The following TMCC1 variants were observed in gnomAD, a reference collection of about 807,000 sequenced individuals.
TMCC1 encodes transmembrane and coiled-coil domain family 1.
TMCC1 carries 15 observed loss-of-function variants against 52.4 expected under a neutral mutation model. The observed-to-expected ratio is 0.29, with a 90% CI of 0.19 to 0.44. The LOEUF (loss-of-function observed/expected upper bound fraction) is 0.44. TMCC1 is among the 20% of genes least tolerant of loss of function. The pLI is 1.00. For missense variants in TMCC1, 503 were observed against 806.0 expected, an observed-to-expected ratio of 0.62 and a Z score of 4.55; for synonymous variants, 279 against 301.9, an observed-to-expected ratio of 0.92 and a Z score of 0.79.
chr3:129,870,074 C>T (rs979764247), intron 2 of TMCC1, among the ~76,000 whole-genome samples: 4 of 152,168 alleles, frequency 2.6e-5, no homozygotes, highest in Non-Finnish European at 5.9e-5. Context: ...TCCTTGAGGA[C>T]AGCATCCTCA....
At chr3:129,765,964 A>C (rs930359505) in intron 4 of TMCC1, among the ~76,000 whole-genome samples, 1 of 152,038 alleles carries the variant, frequency 6.6e-6, no homozygotes, top group Non-Finnish European at 1.5e-5. Context: ...TTTTGGGAGA[A>C]ATTTTCTCAG....
chr3:129,735,679 G>T (rs2050901925), intron 4 of TMCC1, among the ~76,000 whole-genome samples: 1 of 150,926 alleles, frequency 6.6e-6, no homozygotes, highest in African/African-American at 2.4e-5. Flanking sequence ...GAGAACCAGG[G>T]ATTATGAAGA....
chr3:129,835,854 G>C (rs1159340237), intron 2 of TMCC1, among the ~76,000 whole-genome samples: 1 of 152,078 alleles, frequency 6.6e-6, no homozygotes, highest in African/African-American at 2.4e-5. Context: ...AAAAAGAAGA[G>C]AGAACAAGAT....
At chr3:129,844,042 G>C (rs2059549456) in intron 2 of TMCC1, among the ~76,000 whole-genome samples, 2 of 152,004 alleles carry the variant, frequency 1.3e-5, no homozygotes, top group Non-Finnish European at 1.5e-5. Context: ...GGCTAAGTAG[G>C]GTTTATCCCA....
At chr3:129,863,649 G>C in intron 2 of TMCC1, among the ~76,000 whole-genome samples, 1 of 152,106 alleles carries the variant, frequency 6.6e-6, no homozygotes, top group South Asian at 2.1e-4. Context: ...ATCACCTGAG[G>C]TCAGGAGTTC....
At chr3:129,663,961 A>G (rs930964620) in intron 5 of TMCC1, among the ~76,000 whole-genome samples, 3 of 152,240 alleles carry the variant, frequency 2.0e-5, no homozygotes, top group Non-Finnish European at 4.4e-5. Flanking sequence ...CAGATGAGTT[A>G]TGTAATCTAC....
At chr3:129,884,768 A>AT (rs2061613908) in intron 1 of TMCC1, among the ~76,000 whole-genome samples, 1 of 152,330 alleles carries the variant, frequency 6.6e-6, no homozygotes, top group South Asian at 2.1e-4. Flanking sequence ...ATTCTTTGAG[A>AT]TAAAAAAAAA....
chr3:129,700,650 T>C (rs1042988470), intron 4 of TMCC1, among the ~76,000 whole-genome samples: 2 of 152,062 alleles, frequency 1.3e-5, no homozygotes, highest in African/African-American at 4.8e-5. Flanking sequence ...CTAATTTTTG[T>C]ACTTTTAGTA....
intron 4 of TMCC1, among the ~76,000 whole-genome samples, chr3:129,822,607 G>A (rs1242839269): frequency 6.6e-6 from 1 of 152,060 alleles, no homozygotes; most frequent in African/African-American, 2.4e-5. Flanking sequence ...GAAAGAACTG[G>A]TGTTCTTCAA....
chr3:129,843,177 T>C (rs759914445), intron 2 of TMCC1, among the ~76,000 whole-genome samples: 6 of 152,074 alleles, frequency 3.9e-5, no homozygotes, highest in Non-Finnish European at 8.8e-5. Flanking sequence ...AAACCCCATT[T>C]GTACTGAAAA....
chr3:129,709,962 A>G (rs1340226965), intron 4 of TMCC1, among the ~76,000 whole-genome samples: 3 of 152,000 alleles, frequency 2.0e-5, no homozygotes, highest in African/African-American at 7.2e-5. Context: ...TGAGGCAGGC[A>G]GATCACAAGG....
At chr3:129,867,759 C>T (rs2060720584) in intron 2 of TMCC1, among the ~76,000 whole-genome samples, 1 of 152,074 alleles carries the variant, frequency 6.6e-6, no homozygotes, top group Non-Finnish European at 1.5e-5. Flanking sequence ...ACTTTAAGGC[C>T]ATAGTAGAAA....
chr3:129,822,881 T>C (rs1212541220), intron 4 of TMCC1, among the ~76,000 whole-genome samples: 2 of 152,240 alleles, frequency 1.3e-5, no homozygotes, highest in Admixed American at 6.5e-5. Flanking sequence ...AGAAATCATT[T>C]GTGGTGCAAG....
intron 2 of TMCC1, among the ~76,000 whole-genome samples, chr3:129,846,766 A>T (rs784702): frequency 0.99 from 149,713 of 151,854 alleles, 73,838 homozygotes; most frequent in East Asian, 1. Context: ...TAGTGGCTCA[A>T]GCCCATAATC....
At chr3:129,874,843 G>A (rs1386617639) in intron 2 of TMCC1, among the ~76,000 whole-genome samples, 1 of 152,098 alleles carries the variant, frequency 6.6e-6, no homozygotes, top group African/African-American at 2.4e-5. Context: ...GCAAGAGCAA[G>A]ACCCTATCTC....
intron 4 of TMCC1, among the ~76,000 whole-genome samples, chr3:129,723,228 A>G (rs1441248574): frequency 6.6e-6 from 1 of 152,100 alleles, no homozygotes; most frequent in Non-Finnish European, 1.5e-5. Context: ...TATCTCAGAG[A>G]TTTGTTCTGC....
At chr3:129,682,996 C>T (rs577790140) in intron 4 of TMCC1, among the ~76,000 whole-genome samples, 18 of 152,258 alleles carry the variant, frequency 1.2e-4, no homozygotes, top group African/African-American at 1.7e-4. Context: ...CCACCATGCC[C>T]GGCTAATTTT....
At chr3:129,734,788 A>G (rs1237991850) in intron 4 of TMCC1, among the ~76,000 whole-genome samples, 1 of 152,216 alleles carries the variant, frequency 6.6e-6, no homozygotes, top group Non-Finnish European at 1.5e-5. Flanking sequence ...TACACAAAAA[A>G]ATGAAAGTAC....
rs1307552278 is a variant in TMCC1, at chr3:129,893,609, CT to C, written c.-551del. ...GTCCATCCCCCACAACCACCCCCCC[CT>C]CCCGACCCTCCCCCCGCGCCGCCTC... On this transcript the variant is annotated 5_prime_UTR_variant, in exon 1 of 7. Transcript: ENST00000393238. 418 of 151,106 alleles carry C rather than the reference CT, an allele frequency of 2.8e-3. 1 individual carries two copies. Among genetic ancestry groups the C allele is most frequent in the African/African-American group, 8.9e-3 (357 of 40,180 alleles). The allele number at this position is 151,106 out of a possible 1,614,324, so 9.4% of individuals were successfully genotyped here.
Sources: gnomAD v4.1 joint callset for allele counts (sites outside exome capture counted in the v4.1 genomes callset) on GRCh38, gnomAD v4.1.1 for gene constraint, MANE v1.5 for transcripts, NCBI Gene and HGNC (gene_info 2026-07-23, HGNC 2026-07-21) for gene names.